ZNF236: variants seen among roughly 807,000 people sequenced by gnomAD.
ZNF236 encodes regulated by glucose.
ZNF236 carries 50 observed loss-of-function variants against 191.2 expected under a neutral mutation model. The observed-to-expected ratio is 0.26, with a 90% confidence interval of 0.21 to 0.33. The LOEUF (loss-of-function observed/expected upper bound fraction) is 0.33. ZNF236 is among the 10% of genes least tolerant of loss of function. ZNF236 has a pLI of 1.00. For synonymous variants in ZNF236, 907 were observed against 928.8 expected, an observed-to-expected ratio of 0.98 and a Z score of 0.43; for missense variants, 1,754 against 2,374.5, an observed-to-expected ratio of 0.74 and a Z score of 5.43.
chr18:76,937,826 G>A (rs1053356432), intron 26 of ZNF236, among the ~76,000 whole-genome samples: 1 of 152,126 alleles, frequency 6.6e-6, no homozygotes, highest in Non-Finnish European at 1.5e-5. Flanking sequence ...CCAAAGGGGT[G>A]TACATTTTTA....
chr18:76,851,843 C>T lies in ZNF236; in HGVS notation c.267C>T (p.Thr89=), dbSNP rs1975883306. 6.8e-6 allele frequency: 11 copies of T among 1,613,816 alleles called. No homozygotes were observed. Among genetic ancestry groups the T allele is most frequent in the Admixed American group, 1.7e-5 (1 of 59,978 alleles). Residue 89 remains threonine, a synonymous_variant, in exon 3 of 31, where the codon ACC becomes ACT. Coordinates refer to ENST00000320610, the MANE Select transcript of ZNF236 (RefSeq NM_001306089.2). ...VEFNLTLHKC[T]HSGEDPTCPV... ...TCAACCTGACACTTCATAAATGCAC[C>T]CACAGCGGGGAAGATCCTACCTGCC...
At chr18:76,909,055 C>T (rs1022842703) in intron 14 of ZNF236, among the ~76,000 whole-genome samples, 3 of 151,658 alleles carry the variant, frequency 2.0e-5, no homozygotes, top group Non-Finnish European at 4.4e-5. Flanking sequence ...TGGTGGCTCA[C>T]GCCTGTAATC....
At chr18:76,895,361 A>C in intron 10 of ZNF236, 76 bp downstream of exon 10, 1 of 1,553,492 alleles carries the variant, frequency 6.4e-7, no homozygotes, top group Non-Finnish European at 8.7e-7. Flanking sequence ...TATACCAAAC[A>C]CAGGTATGGC....
intron 30 of ZNF236, among the ~76,000 whole-genome samples, chr18:76,965,412 G>A (rs538944516): frequency 6.6e-6 from 1 of 152,188 alleles, no homozygotes; most frequent in Non-Finnish European, 1.5e-5. Flanking sequence ...TCTGGGTTTG[G>A]ATCCATTGCT....
At chr18:76,867,697 G>A (rs1467907005) in intron 3 of ZNF236, among the ~76,000 whole-genome samples, 4 of 152,200 alleles carry the variant, frequency 2.6e-5, no homozygotes, top group Non-Finnish European at 2.9e-5. Context: ...TACTAAGTCA[G>A]CAATGGCTAC....
intron 20 of ZNF236, among the ~76,000 whole-genome samples, chr18:76,921,542 G>T (rs901572219): frequency 1.3e-5 from 2 of 152,112 alleles, no homozygotes; most frequent in Non-Finnish European, 2.9e-5. Context: ...TCCAGTAGGG[G>T]TTAGTGGTGG....
chr18:76,837,797 C>T (rs1248747109), intron 1 of ZNF236, among the ~76,000 whole-genome samples: 1 of 152,168 alleles, frequency 6.6e-6, no homozygotes, highest in East Asian at 1.9e-4. Flanking sequence ...TTTATTGCCT[C>T]ATTGAATGGT....
chr18:76,823,158 G>C (rs1223870385), intron 1 of ZNF236, among the ~76,000 whole-genome samples: 2 of 151,952 alleles, frequency 1.3e-5, no homozygotes, highest in African/African-American at 2.4e-5. Flanking sequence ...GCTGCCCCGG[G>C]GACGTTGGGC....
chr18:76,941,921 C>T (rs1968142647), intron 26 of ZNF236, among the ~76,000 whole-genome samples: 1 of 152,090 alleles, frequency 6.6e-6, no homozygotes. Context: ...TTGCAAAAAC[C>T]AGATGAAAAC....
chr18:76,913,968 T>A, intron 18 of ZNF236, 70 bp downstream of exon 18: 4 of 1,519,258 alleles, frequency 2.6e-6, no homozygotes, highest in Non-Finnish European at 3.6e-6. Context: ...ATAATCCATA[T>A]ACCATTCAGT....
intron 4 of ZNF236, 137 bp from the exon 5 acceptor site, chr18:76,871,564 A>G: frequency 1.2e-6 from 1 of 860,590 alleles, no homozygotes. Context: ...ACAGACACAT[A>G]CATATATGTG....
intron 3 of ZNF236, among the ~76,000 whole-genome samples, chr18:76,857,570 C>T (rs1599337130): frequency 6.6e-6 from 1 of 152,070 alleles, no homozygotes; most frequent in Non-Finnish European, 1.5e-5. Flanking sequence ...GTAGAAGGCT[C>T]GGGGTTTAGT....
At chr18:76,917,940 C>T (rs891272060) in intron 19 of ZNF236, among the ~76,000 whole-genome samples, 4 of 152,176 alleles carry the variant, frequency 2.6e-5, no homozygotes, top group Non-Finnish European at 4.4e-5. Flanking sequence ...CCCACACCCT[C>T]GCTGTCCTTT....
intron 1 of ZNF236, chr18:76,849,322 C>T: frequency 4.1e-6 from 2 of 486,542 alleles, no homozygotes; most frequent in Non-Finnish European, 7.2e-6. Context: ...TCTGTTGTCC[C>T]ATATCTTAGT....
At chr18:76,856,887 A>G (rs1176545979) in intron 3 of ZNF236, among the ~76,000 whole-genome samples, 1 of 152,186 alleles carries the variant, frequency 6.6e-6, no homozygotes, top group Non-Finnish European at 1.5e-5. Context: ...ATGCTTCCCA[A>G]TTCTAAAATT....
intron 25 of ZNF236, among the ~76,000 whole-genome samples, chr18:76,930,112 C>A (rs142616286): frequency 6.6e-6 from 1 of 152,192 alleles, no homozygotes; most frequent in East Asian, 1.9e-4. Flanking sequence ...GGGAACCAAA[C>A]AAGTGACATC....
chr18:76,829,501 T>C (rs1975108641), intron 1 of ZNF236, among the ~76,000 whole-genome samples: 1 of 152,132 alleles, frequency 6.6e-6, no homozygotes, highest in South Asian at 2.1e-4. Context: ...CTAATTTTTG[T>C]ATTTTTTGTA....
Position 76,840,417 on chromosome 18 carries a change from C to T in ZNF236, c.56-9109C>T, listed in dbSNP as rs556052379. Among the ~76,000 whole-genome samples, 8 of 152,088 alleles carry T rather than the reference C, an allele frequency of 5.3e-5. 1 individual carries two copies. In the South Asian group the frequency reaches 1.7e-3, roughly 32 times the overall value. ...GCTGAGGCAGGAGAATCGCTTGAAC[C>T]CAGGAGGTGGAGGTTGCAGTGAGCT... On this transcript the variant is annotated intron_variant, in intron 1 of 30. Transcript: ENST00000320610.
chr18:76,949,701 C>A (rs1000121419), intron 27 of ZNF236, among the ~76,000 whole-genome samples: 1 of 139,362 alleles, frequency 7.2e-6, no homozygotes, highest in African/African-American at 2.5e-5. Context: ...CTCTGTTGCC[C>A]AGGCTAGAGT....
Sources: gnomAD v4.1 joint callset for allele counts (sites outside exome capture counted in the v4.1 genomes callset) on GRCh38, gnomAD v4.1.1 for gene constraint, MANE v1.5 for transcripts, NCBI Gene and HGNC (gene_info 2026-07-23, HGNC 2026-07-21) for gene names.